Variants in KIAA1549L observed in about 807,000 individuals in gnomAD.
The protein encoded by KIAA1549L is KIAA1549 like.
KIAA1549L carries 88 observed loss-of-function variants against 160.7 expected under a neutral mutation model. The observed-to-expected ratio is 0.55, with a 90% CI of 0.46 to 0.65. The LOEUF is 0.65. Ranked by LOEUF, KIAA1549L falls within the 30% of genes least tolerant of loss-of-function variation. The probability of loss-of-function intolerance (pLI) is 0.00; values close to 1 mark genes in which losing one functional copy is unlikely to be tolerated. For missense variants in KIAA1549L, 2,258 were observed against 2,437.5 expected (o/e 0.93, Z 1.55); for synonymous variants, 950 against 976.7 (o/e 0.97, Z 0.51).
intron 1 of KIAA1549L, among the ~76,000 whole-genome samples, chr11:33,394,394 TAAATAAA>T (rs1850328577): frequency 1.7e-5 from 1 of 57,314 alleles, no homozygotes; most frequent in African/African-American, 1.0e-4. Context: ...TCATAAATAA[TAAATAAA>T]TAAATAAATA....
At chr11:33,652,188 A>G (rs576138519) in intron 17 of KIAA1549L, among the ~76,000 whole-genome samples, 1 of 151,960 alleles carries the variant, frequency 6.6e-6, no homozygotes, top group Admixed American at 6.6e-5. Context: ...ATAGCTTCCA[A>G]TGGATTCCTG....
intron 1 of KIAA1549L, among the ~76,000 whole-genome samples, chr11:33,425,599 A>G (rs377460384): frequency 3.3e-5 from 5 of 152,330 alleles, no homozygotes; most frequent in African/African-American, 9.6e-5. Flanking sequence ...TACAATGAAG[A>G]CAGCATTTGG....
chr11:33,465,119 G>A (rs1189539429), intron 1 of KIAA1549L, among the ~76,000 whole-genome samples: 3 of 133,158 alleles, frequency 2.3e-5, no homozygotes, highest in South Asian at 2.5e-4. Context: ...GCAGTGGCAC[G>A]ATCTTGGCTC....
intron 1 of KIAA1549L, among the ~76,000 whole-genome samples, chr11:33,519,479 T>G (rs549482941): frequency 2.0e-5 from 3 of 152,360 alleles, no homozygotes; most frequent in African/African-American, 4.8e-5. Flanking sequence ...ATGTCACTAT[T>G]TCACCAGCAA....
intron 12 of KIAA1549L, among the ~76,000 whole-genome samples, chr11:33,598,186 ATGTT>A (rs925859759): frequency 2.6e-5 from 3 of 113,660 alleles, no homozygotes; most frequent in Non-Finnish European, 1.7e-5. Flanking sequence ...TAGAGAGAGA[ATGTT>A]TGTGTGTGTG....
intron 9 of KIAA1549L, among the ~76,000 whole-genome samples, chr11:33,573,717 A>G (rs1164441496): frequency 6.6e-6 from 1 of 152,218 alleles, no homozygotes; most frequent in African/African-American, 2.4e-5. Flanking sequence ...TTTGTCCATT[A>G]TAACTGCAAA....
intron 1 of KIAA1549L, among the ~76,000 whole-genome samples, chr11:33,484,969 T>A (rs1323538235): frequency 6.6e-6 from 1 of 152,198 alleles, no homozygotes; most frequent in Non-Finnish European, 1.5e-5. Context: ...AATCCCCAAA[T>A]TCTTGGTTTC....
intron 1 of KIAA1549L, among the ~76,000 whole-genome samples, chr11:33,501,417 G>T (rs1383028281): frequency 6.6e-6 from 1 of 152,076 alleles, no homozygotes; most frequent in Non-Finnish European, 1.5e-5. Context: ...GAAATAATTT[G>T]GATAATGAAG....
chr11:33,602,793 C>A (rs1850398807), intron 13 of KIAA1549L, among the ~76,000 whole-genome samples: 1 of 152,136 alleles, frequency 6.6e-6, no homozygotes, highest in Non-Finnish European at 1.5e-5. Flanking sequence ...TATTTAATGT[C>A]TTTTAATATA....
At chr11:33,469,058 A>G (rs1852121437) in intron 1 of KIAA1549L, among the ~76,000 whole-genome samples, 1 of 152,190 alleles carries the variant, frequency 6.6e-6, no homozygotes. Flanking sequence ...TTTGTATATC[A>G]TTAAATTCAC....
intron 1 of KIAA1549L, among the ~76,000 whole-genome samples, chr11:33,518,425 G>T (rs747550176): frequency 6.6e-6 from 1 of 152,142 alleles, no homozygotes; most frequent in Non-Finnish European, 1.5e-5. Flanking sequence ...TCTTTCCCTT[G>T]AGTATGATCC....
intron 1 of KIAA1549L, among the ~76,000 whole-genome samples, chr11:33,438,432 A>G (rs962465355): frequency 3.3e-5 from 5 of 152,206 alleles, no homozygotes; most frequent in Non-Finnish European, 7.3e-5. Flanking sequence ...GCCTCGAAAG[A>G]ATCTGGCAGC....
intron 12 of KIAA1549L, 107 bp from the exon 13 acceptor site, chr11:33,598,713 C>A: frequency 7.6e-7 from 1 of 1,315,798 alleles, no homozygotes; most frequent in Non-Finnish European, 1.1e-6. Context: ...GTCCATTAAA[C>A]TGGAATGAAA....
intron 1 of KIAA1549L, among the ~76,000 whole-genome samples, chr11:33,467,146 AT>A (rs1852079930): frequency 3.3e-5 from 5 of 151,856 alleles, no homozygotes; most frequent in Admixed American, 3.3e-4. Flanking sequence ...CTTTTTTCTT[AT>A]TTTCTTTTCA....
intron 1 of KIAA1549L, among the ~76,000 whole-genome samples, chr11:33,479,385 T>A (rs1490769459): frequency 2.6e-5 from 4 of 152,196 alleles, no homozygotes; most frequent in Non-Finnish European, 5.9e-5. Flanking sequence ...AAATGGTTTG[T>A]CGAGGGAGGG....
At chr11:33,556,965 G>A (rs1421856594) in intron 6 of KIAA1549L, among the ~76,000 whole-genome samples, 2 of 151,784 alleles carry the variant, frequency 1.3e-5, no homozygotes, top group Non-Finnish European at 2.9e-5. Flanking sequence ...AGGCTTCCTC[G>A]GGCTCCAGTG....
chr11:33,450,382 A>T (rs1477277649), intron 1 of KIAA1549L, among the ~76,000 whole-genome samples: 1 of 152,006 alleles, frequency 6.6e-6, no homozygotes, highest in East Asian at 1.9e-4. Context: ...ACATAGCAAG[A>T]CCCTATCATT....
At chr11:33,631,020 G>C (rs947564583) in intron 16 of KIAA1549L, among the ~76,000 whole-genome samples, 2 of 152,234 alleles carry the variant, frequency 1.3e-5, no homozygotes, top group Non-Finnish European at 2.9e-5. Flanking sequence ...CTGTGGCAAT[G>C]AACTTGGATG....
At chr11:33,601,348 A>C (rs955266600) in intron 13 of KIAA1549L, among the ~76,000 whole-genome samples, 3 of 152,246 alleles carry the variant, frequency 2.0e-5, no homozygotes, top group African/African-American at 7.2e-5. Context: ...ATTTTAGGAT[A>C]GAACTTTATG....
Sources: gnomAD v4.1 joint callset for allele counts (sites outside exome capture counted in the v4.1 genomes callset) on GRCh38, gnomAD v4.1.1 for gene constraint, MANE v1.5 for transcripts, NCBI Gene and HGNC (gene_info 2026-07-23, HGNC 2026-07-21) for gene names.